The following PDXK variants were observed in gnomAD, a reference collection of about 807,000 sequenced individuals.
The protein encoded by PDXK is pyridoxal kinase, also known as epididymis secretory sperm binding protein Li 1a.
Under a neutral mutation model 43.2 loss-of-function variants are expected in PDXK, and 15 were observed. The ratio of observed to expected loss-of-function variants is 0.35; its 90% CI spans 0.23 to 0.53. The LOEUF is 0.53. Ranked by LOEUF, PDXK falls within the 20% of genes least tolerant of loss-of-function variation. The pLI, the probability that PDXK is intolerant of heterozygous loss-of-function variation, is 0.92. For synonymous variants in PDXK, 172 were observed against 165.4 expected, an observed-to-expected ratio of 1.04 and a Z score of -0.31; for missense variants, 343 against 417.0, an observed-to-expected ratio of 0.82 and a Z score of 1.54.
chr21:43,753,753 C>T, intron 9 of PDXK, 34 bp downstream of exon 9: 1 of 1,583,350 alleles, frequency 6.3e-7, no homozygotes, highest in Non-Finnish European at 8.6e-7. Flanking sequence ...TCCTCGCCCA[C>T]TCCCACGGCA....
Position 43,752,524 on chromosome 21 carries a change from G to A in PDXK, c.517G>A (p.Asp173Asn), listed in dbSNP as rs1180079136. Residue 173 changes from aspartate (D) to asparagine (N), a missense_variant, in exon 8 of 11, where the codon GAC (aspartate) becomes AAC (asparagine). Coordinates refer to ENST00000291565, the MANE Select transcript of PDXK (RefSeq NM_003681.5). ...HSQEEALRVM[D>N]MLHSMGPDTV... ...CTCCCTGTGCCACTGCTAGGTGATG[G>A]ACATGCTGCACTCTATGGGCCCCGA... is the stretch of plus-strand genomic sequence containing the variant. 5 of 1,609,446 alleles carry A rather than the reference G, an allele frequency of 3.1e-6. No individual in the cohort carries two copies. Among genetic ancestry groups the A allele is most frequent in the Non-Finnish European group, 4.2e-6 (5 of 1,178,428 alleles).
In PDXK at chr21:43,741,661, C is replaced by T. The variant is rs765654948; in HGVS notation, c.143-6C>T. On this transcript the variant is annotated splice_polypyrimidine_tract_variant and splice_region_variant and intron_variant, in intron 2 of 10. Transcript: ENST00000291565. ...TCTGAGCCCCCATGGCTTCCTCTGC[C>T]TCTAGGCTATGCCCACTGGAAGGGC... 20 of 1,611,028 alleles carry T rather than the reference C, an allele frequency of 1.2e-5. No individual in the cohort carries two copies. The highest frequency in any genetic ancestry group is 2.7e-5 in the African/African-American group (2 of 74,846).
rs1040229444 is a variant in PDXK at position 43,761,876 on chromosome 21, A to G, written c.*5813A>G. The G allele has an allele frequency of 6.5e-6, 1 of 153,668 alleles. No homozygotes were observed. Among genetic ancestry groups the G allele is most frequent in the Non-Finnish European group, 1.5e-5 (1 of 68,158 alleles). The allele number at this position is 153,668 out of a possible 1,614,324, so 9.5% of individuals were successfully genotyped here. A position where few individuals can be genotyped will look rare whatever the true frequency, so the allele number is the denominator to read the frequency against. ...GGCAGAGGTGCTGACGTTCTGGAGCATGGACGTGAGTCCTCAGCTGGCTCC... is the reference window on the plus strand; with the variant it reads ...GGCAGAGGTGCTGACGTTCTGGAGCGTGGACGTGAGTCCTCAGCTGGCTCC... On this transcript the variant is annotated 3_prime_UTR_variant, in exon 11 of 11. Coordinates refer to ENST00000291565, the MANE Select transcript of PDXK (RefSeq NM_003681.5).
At position 43,752,638 on chromosome 21, in the gene PDXK, C is replaced by T; in HGVS notation, c.622+9C>T. 2.6e-6 allele frequency: 4 copies of T among 1,532,030 alleles called. No homozygotes were observed. The highest frequency in any genetic ancestry group is 3.6e-6 in the Non-Finnish European group (4 of 1,106,282). The allele number at this position is 1,532,030 out of a possible 1,614,324, so 94.9% of individuals were successfully genotyped here. A position where few individuals can be genotyped will look rare whatever the true frequency, so the allele number is the denominator to read the frequency against. On this transcript the variant is annotated intron_variant, in intron 8 of 10. Transcript: ENST00000291565. ...GGGGAGTCAGAGGAGGAGTAAGTGC[C>T]CCCATCGTGCACCGTGGCCGCCTCT...
At chr21:43,751,528 A>G (rs1446900642) in intron 7 of PDXK, among the ~76,000 whole-genome samples, 1 of 152,234 alleles carries the variant, frequency 6.6e-6, no homozygotes, top group Admixed American at 6.5e-5. Context: ...CAGCCTGGGC[A>G]ACAGAGTGAG....
rs2083685634 is a variant in PDXK, at chr21:43,748,935, C to G, written c.379-60C>G. The G allele has an allele frequency of 2.8e-6, 3 of 1,059,570 alleles. No individual in the cohort carries two copies. In the Admixed American group the frequency reaches 5.7e-5, roughly 20 times the overall value. The allele number at this position is 1,059,570 out of a possible 1,614,324, so 65.6% of individuals were successfully genotyped here. A position where few individuals can be genotyped will look rare whatever the true frequency, so the allele number is the denominator to read the frequency against. ...CTCCGTGGTGGGCTTCCCTCCGCGCCCCCTGGCGTGCTTCCCTCACGGTGA... is the reference window on the plus strand; with the variant it reads ...CTCCGTGGTGGGCTTCCCTCCGCGCGCCCTGGCGTGCTTCCCTCACGGTGA... On this transcript the variant is annotated intron_variant, in intron 5 of 10. Transcript: ENST00000291565.
intron 3 of PDXK, among the ~76,000 whole-genome samples, chr21:43,742,687 A>C (rs971491654): frequency 6.6e-6 from 1 of 152,048 alleles, no homozygotes; most frequent in Non-Finnish European, 1.5e-5. Flanking sequence ...AACCAGCCTG[A>C]GCGGCATAGT....
chr21:43,731,968 G>A (rs1390328293), intron 1 of PDXK, among the ~76,000 whole-genome samples: 4 of 152,236 alleles, frequency 2.6e-5, no homozygotes, highest in African/African-American at 4.8e-5. Context: ...CAGCTGGCGG[G>A]TGCTGGGAGT....
intron 4 of PDXK, 104 bp downstream of exon 4, chr21:43,743,911 G>A (rs985677460): frequency 5.2e-5 from 38 of 735,168 alleles, no homozygotes; most frequent in Non-Finnish European, 6.6e-5. Flanking sequence ...TCCTCTGCAC[G>A]CCTCCGTGCC....
chr21:43,755,049 G>A (rs1044196513), intron 9 of PDXK, among the ~76,000 whole-genome samples: 14 of 152,184 alleles, frequency 9.2e-5, no homozygotes, highest in African/African-American at 3.1e-4. Flanking sequence ...CAGGGCAGTG[G>A]AAAAGTGCCA....
At position 43,752,272 on chromosome 21, in the gene PDXK, C is replaced by T. The variant is rs185748463; in HGVS notation, c.511-246C>T. The stretch of plus-strand genomic sequence containing the variant: ...GTCCACCCCCCAAGGGGGAGGCCCT[C>T]GCCAGTCACCTGTGGGGAGCCACAC... On this transcript the variant is annotated intron_variant, in intron 7 of 10. Coordinates refer to ENST00000291565, the MANE Select transcript of PDXK (RefSeq NM_003681.5). Among the ~76,000 whole-genome samples the T allele has an allele frequency of 8.5e-5, 13 of 152,360 alleles. No individual in the cohort carries two copies. The East Asian group carries it at 1.2e-3, about 14-fold the overall frequency.
chr21:43,724,587 A>T (rs560098065), intron 1 of PDXK, among the ~76,000 whole-genome samples: 3 of 151,988 alleles, frequency 2.0e-5, no homozygotes, highest in African/African-American at 7.2e-5. Context: ...CACACCTATA[A>T]TCCCAGTACT....
Position 43,743,760 on chromosome 21 carries a change from T to C in PDXK, c.284T>C (p.Val95Ala), listed in dbSNP as rs1431722847. ...TRDKSFLAMV[V>A]DIVQELKQQN... Reference sequence around the variant, plus strand: ...GACAAGTCGTTCCTGGCCATGGTGGTGGACATTGTGCAGGAGCTGAAGCAG... The same window carrying C: ...GACAAGTCGTTCCTGGCCATGGTGGCGGACATTGTGCAGGAGCTGAAGCAG... The change falls in exon 4 of 11, where the codon GTG (valine) becomes GCG (alanine). Residue 95 changes from valine (V) to alanine (A), a missense_variant. Coordinates refer to ENST00000291565, the MANE Select transcript of PDXK (RefSeq NM_003681.5). 6.2e-7 allele frequency: 1 copy of C among 1,613,820 alleles called. No individual in the cohort carries two copies. The highest frequency in any genetic ancestry group is 1.1e-5 in the South Asian group (1 of 91,076).
intron 2 of PDXK, among the ~76,000 whole-genome samples, chr21:43,739,087 C>A (rs906955239): frequency 6.6e-6 from 1 of 152,130 alleles, no homozygotes. Context: ...GCACCCGCAA[C>A]CACGCCCGGC....
chr21:43,734,058 C>T lies in PDXK; in HGVS notation c.88-11C>T. ...TCTCTTACGCCTACCTGTTCCTTCTCTGTCTTGCAGGTTTTGGGATTTGAG... is the reference window on the plus strand; with the variant it reads ...TCTCTTACGCCTACCTGTTCCTTCTTTGTCTTGCAGGTTTTGGGATTTGAG... On this transcript the variant is annotated splice_polypyrimidine_tract_variant and intron_variant, in intron 1 of 10. Coordinates refer to ENST00000291565, the MANE Select transcript of PDXK (RefSeq NM_003681.5). The surrounding 1 kb of genome is among the most constrained non-coding windows in gnomAD (Gnocchi z 5.0). 2 of 1,614,094 alleles carry T rather than the reference C, an allele frequency of 1.2e-6. No individual in the cohort carries two copies. The highest frequency in any genetic ancestry group is 2.2e-5 in the South Asian group (2 of 91,074).
At chr21:43,738,935 CTT>C (rs35979481) in intron 2 of PDXK, 35 of 137,822 alleles carry the variant, frequency 2.5e-4, no homozygotes, top group Admixed American at 3.0e-4. Flanking sequence ...TTTTCTTTTT[CTT>C]TTTTTTTTTT....
Position 43,743,812 on chromosome 21 carries a change from G to C in PDXK, c.331+5G>C. ...AGAACCCCAGGCTGGTGTACGGTAG[G>C]CAGGGGCCCACCCTCGGGTCTGGCT... is the stretch of plus-strand genomic sequence containing the variant. On this transcript the variant is annotated splice_donor_5th_base_variant and intron_variant, in intron 4 of 10. Coordinates refer to ENST00000291565, the MANE Select transcript of PDXK (RefSeq NM_003681.5). The C allele has an allele frequency of 6.2e-7, 1 of 1,607,136 alleles. No individual in the cohort carries two copies. Among genetic ancestry groups the C allele is most frequent in the East Asian group, 2.2e-5 (1 of 44,798 alleles).
At chr21:43,753,796 G>A in intron 9 of PDXK, 77 bp downstream of exon 9, 1 of 1,471,822 alleles carries the variant, frequency 6.8e-7, no homozygotes, top group Admixed American at 2.0e-5. Context: ...GAGTCCTGGT[G>A]GGGGGTCCCT....
Position 43,732,550 on chromosome 21 carries a change from T to C in PDXK, c.88-1519T>C. 9.8e-7 allele frequency: 1 copy of C among 1,015,610 alleles called. No individual in the cohort carries two copies. The highest frequency in any genetic ancestry group is 1.6e-6 in the Non-Finnish European group (1 of 633,990). 62.9% of individuals were successfully genotyped at this position (1,015,610 alleles called of 1,614,324 possible). On this transcript the variant is annotated intron_variant, in intron 1 of 10. Coordinates refer to ENST00000291565, the MANE Select transcript of PDXK (RefSeq NM_003681.5). This position sits in a 1 kb window ranked among gnomAD's most constrained non-coding sequence, Gnocchi z 4.1. ...GGATACGTTTGCCAGCCCCAAAGGATTAATTATCTACACACCCAGAAGCAG... is the reference window on the plus strand; with the variant it reads ...GGATACGTTTGCCAGCCCCAAAGGACTAATTATCTACACACCCAGAAGCAG...
Sources: gnomAD v4.1 joint callset for allele counts (sites outside exome capture counted in the v4.1 genomes callset) on GRCh38, gnomAD v4.1.1 for gene constraint, Gnocchi (gnomAD v3.1) non-coding constraint, MANE v1.5 for transcripts, NCBI Gene and HGNC (gene_info 2026-07-23, HGNC 2026-07-21) for gene names.